The following CUBN variants were observed in gnomAD, a reference collection of about 807,000 sequenced individuals.
CUBN encodes the protein cubilin, also known as 460 kDa receptor.
In CUBN, 282 loss-of-function variants were observed where a neutral mutation model predicts 405.3. The observed-to-expected ratio is 0.70, with a 90% confidence interval of 0.63 to 0.77. The LOEUF (loss-of-function observed/expected upper bound fraction) is 0.77, where lower values mean the gene tolerates loss of function less well. Ranked by LOEUF, CUBN falls within the 30% of genes least tolerant of loss-of-function variation. The pLI, the probability that CUBN is intolerant of heterozygous loss-of-function variation, is 0.00. For missense variants in CUBN, 4,514 were observed against 4,475.2 expected, an observed-to-expected ratio of 1.01 and a Z score of -0.25; for synonymous variants, 1,684 against 1,617.0, an observed-to-expected ratio of 1.04 and a Z score of -0.99.
In CUBN at chr10:16,869,803, A is replaced by G. The variant is rs200493269; in HGVS notation, c.9287T>C (p.Leu3096Pro). 1.9e-6 allele frequency: 3 copies of G among 1,614,092 alleles called. No homozygotes were observed. Among genetic ancestry groups the G allele is most frequent in the East Asian group, 4.5e-5 (2 of 44,870 alleles). ...GGTATTGGCACCATCGTAAATTGCC[A>G]GGTAGTCATGGGAGCAGGAGGTGGA... is the stretch of plus-strand genomic sequence containing the variant. ...VPSTSCSHDY[L>P]AIYDGANTSD... The change falls in exon 59 of 67, where the codon CTG becomes CCG. Residue 3096 changes from leucine to proline, a missense_variant. Leu to Pro is a moderately conservative substitution (Grantham distance 98). This residue lies in a region of CUBN where 1,186 missense variants were observed against 1,186.9 expected (regional missense o/e 1.00). Coordinates refer to ENST00000377833, the MANE Select transcript of CUBN (RefSeq NM_001081.4).
chr10:16,965,777 G>C (rs1375989438), intron 31 of CUBN: 1 of 245,122 alleles, frequency 4.1e-6, no homozygotes, highest in Non-Finnish European at 8.2e-6. Context: ...GAAAAATTAG[G>C]AATAGCAGCA....
intron 28 of CUBN, among the ~76,000 whole-genome samples, chr10:17,012,923 A>T (rs1003121053): frequency 6.6e-6 from 1 of 152,128 alleles, no homozygotes; most frequent in African/African-American, 2.4e-5. Context: ...GGACCTTTGT[A>T]TGGTAATTAA....
Position 16,918,757 on chromosome 10 carries a change from C to T in CUBN, c.6865G>A (p.Asp2289Asn), listed in dbSNP as rs1841958316. The T allele has an allele frequency of 6.2e-7, 1 of 1,613,770 alleles. No homozygotes were observed. Among genetic ancestry groups the T allele is most frequent in the South Asian group, 1.1e-5 (1 of 91,070 alleles). Residue 2289 changes from aspartate (D) to asparagine (N), a missense_variant, in exon 45 of 67, where the codon GAT becomes AAT. Asp to Asn is a conservative substitution (Grantham distance 23). This residue lies in a region of CUBN where 1,613 missense variants were observed against 1,542.8 expected (regional missense o/e 1.05). Transcript: ENST00000377833. ...YLELRDGVDS[D>N]APILSKFCGT... is the part of the protein sequence containing the mutation. The stretch of plus-strand genomic sequence containing the variant: ...CAAAATTTGGAAAGTATTGGTGCAT[C>T]CGAATCCACTCCATCCCGCAACTCA...
chr10:16,911,528 A>G (rs1258267609), intron 48 of CUBN, among the ~76,000 whole-genome samples: 1 of 152,224 alleles, frequency 6.6e-6, no homozygotes, highest in African/African-American at 2.4e-5. Flanking sequence ...AGTAGCTGCA[A>G]GAGTTATAAG....
At chr10:16,850,749 A>G (rs1388009901) in intron 60 of CUBN, among the ~76,000 whole-genome samples, 4 of 152,226 alleles carry the variant, frequency 2.6e-5, no homozygotes, top group African/African-American at 7.2e-5. Context: ...CTGGAATTAC[A>G]GGCATGAGCC....
Position 17,041,029 on chromosome 10 carries a change from A to G in CUBN, c.4017+4T>C, listed in dbSNP as rs916828798. 6.2e-7 allele frequency: 1 copy of G among 1,612,488 alleles called. No homozygotes were observed. The highest frequency in any genetic ancestry group is 8.5e-7 in the Non-Finnish European group (1 of 1,178,484). The stretch of plus-strand genomic sequence containing the variant: ...AGTGATCAATCAAGCTTTATAATAC[A>G]TACCTCTAAATAATCTGTGGAGCAG... On this transcript the variant is annotated splice_donor_region_variant and intron_variant, in intron 27 of 66. Coordinates refer to ENST00000377833, the MANE Select transcript of CUBN (RefSeq NM_001081.4).
Position 16,906,091 on chromosome 10 carries a change from G to A in CUBN, c.7912+112C>T, listed in dbSNP as rs1258955769. The A allele has an allele frequency of 5.8e-6, 5 of 868,742 alleles. No individual in the cohort carries two copies. The Admixed American group carries it at 7.9e-5, about 14-fold the overall frequency. 53.8% of individuals were successfully genotyped at this position (868,742 alleles called of 1,614,324 possible). Reference sequence around the variant, plus strand: ...ATCACACCACTGCACTCCAGTCCGGGCAAGAGAGCAAGCTCCTGTCTCAAA... The same window carrying A: ...ATCACACCACTGCACTCCAGTCCGGACAAGAGAGCAAGCTCCTGTCTCAAA... On this transcript the variant is annotated intron_variant, in intron 50 of 66. Coordinates refer to ENST00000377833, the MANE Select transcript of CUBN (RefSeq NM_001081.4).
Position 16,933,251 on chromosome 10 carries a change from G to A in CUBN, c.5960C>T (p.Ala1987Val). ...ACGGFLRTGDAPVFLFSPGWP... is the reference protein window; with the variant it reads ...ACGGFLRTGDVPVFLFSPGWP... ...GCCCGGGGAGAAGAGAAACACGGGT[G>A]CATCTCCCGTCCTCAGGAAGCCACC... is the stretch of plus-strand genomic sequence containing the variant. The change falls in exon 40 of 67, where the codon GCA becomes GTA. Residue 1987 changes from alanine to valine, a missense_variant. Physicochemically the swap from Ala to Val is moderately conservative, Grantham distance 64. Transcript: ENST00000377833. The A allele has an allele frequency of 6.2e-7, 1 of 1,613,874 alleles. No individual in the cohort carries two copies. Among genetic ancestry groups the A allele is most frequent in the Non-Finnish European group, 8.5e-7 (1 of 1,179,948 alleles).
At position 16,836,455 on chromosome 10, in the gene CUBN, T is replaced by C. The variant is rs1267274910; in HGVS notation, c.10033-73A>G. 3.7e-6 allele frequency: 5 copies of C among 1,361,072 alleles called. No homozygotes were observed. The East Asian group carries it at 9.2e-5, about 25-fold the overall frequency. 84.3% of individuals were successfully genotyped at this position (1,361,072 alleles called of 1,614,324 possible). Reference sequence around the variant, plus strand: ...GAACAGGCCATAACAGAAATTAGACTGCATATAAAAGCATGGTGTAAATAT... The same window carrying C: ...GAACAGGCCATAACAGAAATTAGACCGCATATAAAAGCATGGTGTAAATAT... On this transcript the variant is annotated intron_variant, in intron 62 of 66. Transcript: ENST00000377833.
chr10:16,890,937 AG>A (rs1307800643), intron 54 of CUBN, among the ~76,000 whole-genome samples: 7 of 152,214 alleles, frequency 4.6e-5, no homozygotes, highest in Non-Finnish European at 8.8e-5. Flanking sequence ...GGACAACACC[AG>A]CAAGCAAGAG....
In CUBN at chr10:16,904,059, G is replaced by GGTATAA. The variant is rs758238536; in HGVS notation, c.7968_7969insTTATAC (p.Leu2656_Pro2657insLeuTyr). ...ACCTGAGAATAAGGTATAACCAATGGCAATGTAGGCTTTGAAGGACCACAA... is the reference window on the plus strand; with the variant it reads ...ACCTGAGAATAAGGTATAACCAATGGGTATAACAATGTAGGCTTTGAAGGACCACAA... On this transcript the variant is annotated inframe_insertion, in exon 51 of 67. Coordinates refer to ENST00000377833, the MANE Select transcript of CUBN (RefSeq NM_001081.4). 256 of 1,613,608 alleles carry GGTATAA rather than the reference G, an allele frequency of 1.6e-4. No homozygotes were observed. Among genetic ancestry groups the GGTATAA allele is most frequent in the Admixed American group, 3.7e-4 (22 of 59,996 alleles).
chr10:16,837,671 C>A (rs775921643), intron 62 of CUBN, among the ~76,000 whole-genome samples: 17 of 152,174 alleles, frequency 1.1e-4, no homozygotes, highest in African/African-American at 4.1e-4. Flanking sequence ...AACCACCCTA[C>A]ACATCATTCC....
intron 22 of CUBN, among the ~76,000 whole-genome samples, chr10:17,065,118 C>T (rs1367521252): frequency 4.7e-5 from 2 of 42,138 alleles, no homozygotes; most frequent in African/African-American, 1.8e-4. Flanking sequence ...TTTATCATTT[C>T]TCTCTCTCTC....
At chr10:16,886,510 A>G (rs1465553489) in intron 56 of CUBN, among the ~76,000 whole-genome samples, 1 of 152,156 alleles carries the variant, frequency 6.6e-6, no homozygotes, top group Non-Finnish European at 1.5e-5. Context: ...GAGTGGTTGA[A>G]AATACCCATC....
At chr10:16,981,602 T>C (rs760206140) in intron 31 of CUBN, among the ~76,000 whole-genome samples, 1 of 152,102 alleles carries the variant, frequency 6.6e-6, no homozygotes, top group Non-Finnish European at 1.5e-5. Context: ...ATGGCAGAGC[T>C]AAAAGAGCAT....
chr10:16,848,251 C>T (rs1358454024), intron 60 of CUBN, among the ~76,000 whole-genome samples: 1 of 152,146 alleles, frequency 6.6e-6, no homozygotes, highest in East Asian at 1.9e-4. Flanking sequence ...ATCCAGTCAA[C>T]TCTCCTAGCA....
rs114204565 is a variant in CUBN, at chr10:17,045,679, C to G, written c.3490+255G>C. ...GTGAGTACAGGAGTGAGCCACAGCA[C>G]CCAGCCCCAATTTCCATTAATGCAA... is the stretch of plus-strand genomic sequence containing the variant. On this transcript the variant is annotated intron_variant, in intron 24 of 66. Transcript: ENST00000377833. Among the ~76,000 whole-genome samples the G allele has an allele frequency of 6.7e-3, 1,018 of 152,242 alleles. 13 individuals are homozygous for G. The highest frequency in any genetic ancestry group is 0.023 in the African/African-American group (975 of 41,546).
intron 58 of CUBN, among the ~76,000 whole-genome samples, chr10:16,873,357 A>C (rs1439064406): frequency 1.3e-5 from 2 of 152,186 alleles, no homozygotes; most frequent in Admixed American, 6.5e-5. Context: ...GACTCAAGCT[A>C]TCTCTCATAG....
chr10:16,992,246 T>C (rs1287259636), intron 28 of CUBN, among the ~76,000 whole-genome samples: 1 of 138,942 alleles, frequency 7.2e-6, no homozygotes. Flanking sequence ...TGTCATGGGG[T>C]GGGGGAAGGG....
Sources: gnomAD v4.1 joint callset for allele counts (sites outside exome capture counted in the v4.1 genomes callset) on GRCh38, gnomAD v4.1.1 for gene constraint, gnomAD v4.1.1 regional missense constraint, MANE v1.5 for transcripts, NCBI Gene and HGNC (gene_info 2026-07-23, HGNC 2026-07-21) for gene names.